AKR1B15: variants seen among roughly 807,000 people sequenced by gnomAD.
AKR1B15 encodes aldo-keto reductase family 1 member B15, also known as estradiol 17-beta-dehydrogenase AKR1B15.
A neutral mutation model predicts 38.5 loss-of-function variants in AKR1B15; 49 were observed. That is an observed-to-expected ratio of 1.27 (90% CI 1.01 to 1.62). The LOEUF (loss-of-function observed/expected upper bound fraction) is 1.62. AKR1B15 is among the 40% of genes most tolerant of loss of function. The pLI is 0.00. For missense variants in AKR1B15, 411 were observed against 381.6 expected (o/e 1.08, Z -0.64); for synonymous variants, 137 against 135.5 (o/e 1.01, Z -0.08).
At chr7:134,565,836 G>A (rs1794520907) in intron 3 of AKR1B15, among the ~76,000 whole-genome samples, 1 of 152,128 alleles carries the variant, frequency 6.6e-6, no homozygotes, top group African/African-American at 2.4e-5. Flanking sequence ...CTGGCTCTAG[G>A]ACACTTAATT....
intron 1 of AKR1B15, among the ~76,000 whole-genome samples, chr7:134,555,311 G>A (rs1794154455): frequency 6.6e-6 from 1 of 151,954 alleles, no homozygotes; most frequent in South Asian, 2.1e-4. Flanking sequence ...CCAGAAAAAA[G>A]GACTGACTCC....
At chr7:134,558,785 T>A (rs1169163613) in intron 2 of AKR1B15, among the ~76,000 whole-genome samples, 1 of 152,194 alleles carries the variant, frequency 6.6e-6, no homozygotes, top group Non-Finnish European at 1.5e-5. Flanking sequence ...TCAAAAATTA[T>A]ATACTTGGTC....
At chr7:134,562,476 G>A (rs1354414194) in intron 2 of AKR1B15, among the ~76,000 whole-genome samples, 1 of 151,924 alleles carries the variant, frequency 6.6e-6, no homozygotes, top group Non-Finnish European at 1.5e-5. Flanking sequence ...AGTGCTGATT[G>A]GTCCATTTTA....
At chr7:134,554,615 G>A (rs1794126122) in intron 1 of AKR1B15, among the ~76,000 whole-genome samples, 1 of 152,162 alleles carries the variant, frequency 6.6e-6, no homozygotes, top group Non-Finnish European at 1.5e-5. Flanking sequence ...GCCCAGCCCA[G>A]GCCACCGCCT....
At chr7:134,552,062 G>C (rs1402599140) in intron 1 of AKR1B15, among the ~76,000 whole-genome samples, 1 of 152,148 alleles carries the variant, frequency 6.6e-6, no homozygotes, top group Non-Finnish European at 1.5e-5. Context: ...GCTGAGTAAA[G>C]GGCTACTGGA....
At chr7:134,564,505 TC>T (rs1794488832) in intron 2 of AKR1B15, 92 bp from the exon 3 acceptor site, 2 of 534,174 alleles carry the variant, frequency 3.7e-6, no homozygotes, top group South Asian at 5.3e-5. Flanking sequence ...CGACATGGCT[TC>T]TCCCCTTTCT....
At chr7:134,579,136 G>A (rs811443) in intron 11 of AKR1B15, among the ~76,000 whole-genome samples, 3,929 of 152,182 alleles carry the variant, frequency 0.026, 175 homozygotes, top group African/African-American at 0.09. Flanking sequence ...GCCCTTTTCC[G>A]GTGGTATTAT....
At chr7:134,577,578 G>A in intron 10 of AKR1B15, 126 bp from the exon 11 acceptor site, 1 of 1,076,054 alleles carries the variant, frequency 9.3e-7, no homozygotes, top group South Asian at 1.5e-5. Context: ...TGGACAGAAT[G>A]GGAAAAACTC....
intron 8 of AKR1B15, 132 bp downstream of exon 8, chr7:134,576,059 C>A (rs966496989): frequency 6.9e-7 from 1 of 1,441,030 alleles, no homozygotes; most frequent in African/African-American, 1.4e-5. Context: ...TTGGTACACA[C>A]AAATGGGATG....
chr7:134,575,215 A>T lies in AKR1B15; in HGVS notation c.514-205A>T, dbSNP rs1794740740. Among the ~76,000 whole-genome samples, 18 of 152,176 alleles carry T rather than the reference A, an allele frequency of 1.2e-4. No individual in the cohort carries two copies. The South Asian group carries it at 3.5e-3, about 30-fold the overall frequency. On this transcript the variant is annotated intron_variant, in intron 6 of 11. Transcript: ENST00000457545. ...TAAAATCTTTACCTGTTAGTTTTAG[A>T]TTTTCTTGGGCTGGGGAGGGGCAGT... is the stretch of plus-strand genomic sequence containing the variant.
intron 11 of AKR1B15, 111 bp from the exon 12 acceptor site, chr7:134,579,396 A>C (rs1189566091): frequency 2.7e-5 from 23 of 850,974 alleles, no homozygotes; most frequent in Non-Finnish European, 3.3e-5. Flanking sequence ...TGCAGGGAGG[A>C]GGCTGAGAGA....
chr7:134,574,920 A>G (rs1794731175), intron 6 of AKR1B15, among the ~76,000 whole-genome samples: 1 of 152,194 alleles, frequency 6.6e-6, no homozygotes, highest in Non-Finnish European at 1.5e-5. Context: ...TGTGGGAGAC[A>G]GTGACTCAGG....
At chr7:134,566,705 C>A (rs1433864141) in intron 3 of AKR1B15, among the ~76,000 whole-genome samples, 5 of 152,174 alleles carry the variant, frequency 3.3e-5, no homozygotes, top group African/African-American at 1.2e-4. Context: ...GGCTCTCTTT[C>A]CTTCTGTGCA....
intron 3 of AKR1B15, chr7:134,565,136 A>T: frequency 3.0e-6 from 1 of 337,614 alleles, no homozygotes; most frequent in South Asian, 4.5e-5. Flanking sequence ...ATACCCTTCC[A>T]CACCGTGGAA....
chr7:134,579,403 G>C, intron 11 of AKR1B15, 104 bp from the exon 12 acceptor site: 1 of 980,946 alleles, frequency 1.0e-6, no homozygotes, highest in Non-Finnish European at 1.5e-6. Context: ...AGGAGGCTGA[G>C]AGACCACAAA....
chr7:134,573,674 A>G, intron 6 of AKR1B15: 1 of 404,266 alleles, frequency 2.5e-6, no homozygotes. Flanking sequence ...TATGATGCAC[A>G]AAAGCTTTTA....
chr7:134,556,256 C>T (rs776344719), intron 1 of AKR1B15, among the ~76,000 whole-genome samples: 1 of 152,108 alleles, frequency 6.6e-6, no homozygotes, highest in African/African-American at 2.4e-5. Context: ...AATGACAATA[C>T]CTCCAACCCA....
At chr7:134,563,549 A>AAAAC (rs575323895) in intron 2 of AKR1B15, among the ~76,000 whole-genome samples, 7 of 152,216 alleles carry the variant, frequency 4.6e-5, no homozygotes, top group Non-Finnish European at 7.4e-5. Flanking sequence ...CTCCGTCTCA[A>AAAAC]AAACAAACAA....
intron 6 of AKR1B15, among the ~76,000 whole-genome samples, chr7:134,572,491 G>A (rs541314978): frequency 7.2e-5 from 11 of 152,198 alleles, no homozygotes; most frequent in Non-Finnish European, 1.3e-4. Context: ...AGCCAGGTGT[G>A]GTGGTGTGTG....
Sources: gnomAD v4.1 joint callset for allele counts (sites outside exome capture counted in the v4.1 genomes callset) on GRCh38, gnomAD v4.1.1 for gene constraint, MANE v1.5 for transcripts, NCBI Gene and HGNC (gene_info 2026-07-23, HGNC 2026-07-21) for gene names.